NFKB1: variants seen among roughly 807,000 people sequenced by gnomAD.
The protein encoded by NFKB1 is nuclear factor NF-kappa-B p105 subunit.
In NFKB1, 9 loss-of-function variants were observed where a neutral mutation model predicts 105.1. The ratio of observed to expected loss-of-function variants is 0.09; its 90% CI spans 0.05 to 0.15. The LOEUF is 0.15. NFKB1 is among the 10% of genes least tolerant of loss of function. The pLI is 1.00. For synonymous variants in NFKB1, 440 were observed against 442.2 expected, an observed-to-expected ratio of 1.00 and a Z score of 0.06; for missense variants, 830 against 1,203.7, an observed-to-expected ratio of 0.69 and a Z score of 4.59.
chr4:102,518,523 G>A (rs1740352806), intron 1 of NFKB1, among the ~76,000 whole-genome samples: 1 of 151,660 alleles, frequency 6.6e-6, no homozygotes, highest in Non-Finnish European at 1.5e-5. Context: ...ATATTATATT[G>A]CATTGTTTTT....
rs532825491 is a variant in NFKB1, at chr4:102,588,454, T to A, written c.1066+3634T>A. ...ACTGCTGTACAAAAGCAAAAAAAAA[T>A]AAAAAAAAAATAAAAGAGACCATAA... On this transcript the variant is annotated intron_variant, in intron 11 of 23. Coordinates refer to ENST00000226574, the MANE Select transcript of NFKB1 (RefSeq NM_003998.4). 2.8e-3 allele frequency among the ~76,000 whole-genome samples: 404 copies of A among 143,512 alleles called. 3 individuals are homozygous for A. The highest frequency in any genetic ancestry group is 4.4e-3 in the Non-Finnish European group (283 of 64,934). 94.1% of individuals were successfully genotyped at this position (143,512 alleles called of 152,430 possible). A position where few individuals can be genotyped will look rare whatever the true frequency, so the allele number is the denominator to read the frequency against.
At chr4:102,560,891 G>A (rs903725306) in intron 5 of NFKB1, among the ~76,000 whole-genome samples, 37 of 152,188 alleles carry the variant, frequency 2.4e-4, no homozygotes, top group Non-Finnish European at 3.7e-4. Flanking sequence ...CAGGGACTGC[G>A]TAGTCCCCAC....
intron 16 of NFKB1, among the ~76,000 whole-genome samples, chr4:102,602,545 A>G (rs907479823): frequency 9.9e-5 from 15 of 152,080 alleles, no homozygotes; most frequent in African/African-American, 3.6e-4. Flanking sequence ...TCTCAAAAAA[A>G]AAAAAAAAAG....
chr4:102,504,578 G>T (rs1416102397), intron 1 of NFKB1, among the ~76,000 whole-genome samples: 2 of 152,146 alleles, frequency 1.3e-5, no homozygotes, highest in Non-Finnish European at 2.9e-5. Flanking sequence ...CTACATTTGT[G>T]TCTAATCAGC....
intron 11 of NFKB1, among the ~76,000 whole-genome samples, chr4:102,593,003 C>A (rs1267761466): frequency 2.0e-5 from 3 of 151,906 alleles, no homozygotes; most frequent in Non-Finnish European, 4.4e-5. Flanking sequence ...TTATGTCATG[C>A]TTTTTTTTAT....
chr4:102,552,773 G>T (rs967684727), intron 5 of NFKB1, among the ~76,000 whole-genome samples: 1 of 151,672 alleles, frequency 6.6e-6, no homozygotes, highest in Non-Finnish European at 1.5e-5. Context: ...ACATAAAAGG[G>T]TTTTTTTTGC....
intron 5 of NFKB1, among the ~76,000 whole-genome samples, chr4:102,553,213 GTC>G (rs1337375290): frequency 1.3e-5 from 2 of 152,120 alleles, no homozygotes; most frequent in Non-Finnish European, 1.5e-5. Flanking sequence ...ACCGAATGAT[GTC>G]TCTAAGTATT....
chr4:102,572,466 TA>T (rs1458882165), intron 6 of NFKB1, among the ~76,000 whole-genome samples: 1 of 152,064 alleles, frequency 6.6e-6, no homozygotes, highest in African/African-American at 2.4e-5. Context: ...CCCTAGAACT[TA>T]AAGTATAATA....
chr4:102,585,048 AT>A (rs78130855), intron 11 of NFKB1, among the ~76,000 whole-genome samples: 828 of 143,128 alleles, frequency 5.8e-3, no homozygotes, highest in Middle Eastern at 0.015. Flanking sequence ...TGCCGGGCTA[AT>A]TTTTTTTTTT....
At chr4:102,504,541 A>C (rs1739304203) in intron 1 of NFKB1, among the ~76,000 whole-genome samples, 1 of 152,204 alleles carries the variant, frequency 6.6e-6, no homozygotes, top group South Asian at 2.1e-4. Context: ...GTGCTAGAGG[A>C]TATGTTAAGA....
intron 1 of NFKB1, among the ~76,000 whole-genome samples, chr4:102,514,009 T>C (rs1450795126): frequency 6.6e-6 from 1 of 151,334 alleles, no homozygotes; most frequent in East Asian, 2.0e-4. Flanking sequence ...CCATCTCTAC[T>C]AAAAAAATAC....
At chr4:102,561,059 G>A (rs1159905410) in intron 5 of NFKB1, among the ~76,000 whole-genome samples, 5 of 152,192 alleles carry the variant, frequency 3.3e-5, no homozygotes, top group Non-Finnish European at 1.5e-5. Context: ...GCCTGACAGA[G>A]AAAGAAGAGA....
At chr4:102,602,444 G>GC (rs1477488225) in intron 16 of NFKB1, among the ~76,000 whole-genome samples, 3 of 151,776 alleles carry the variant, frequency 2.0e-5, no homozygotes, top group African/African-American at 4.8e-5. Flanking sequence ...GGAGGCTGAG[G>GC]CAGGAGAATG....
At chr4:102,502,390 G>GCGCACA (rs1311577382) in intron 1 of NFKB1, among the ~76,000 whole-genome samples, 1,871 of 105,368 alleles carry the variant, frequency 0.018, 46 homozygotes, top group Non-Finnish European at 0.022. Flanking sequence ...GCGCGCGCGC[G>GCGCACA]CACACACACA....
chr4:102,597,444 G>A lies in NFKB1; in HGVS notation c.1496-76G>A, dbSNP rs1238556540. 4 of 1,439,226 alleles carry A rather than the reference G, an allele frequency of 2.8e-6. No individual in the cohort carries two copies. In the African/African-American group the frequency reaches 5.7e-5, roughly 20 times the overall value. 89.2% of individuals were successfully genotyped at this position (1,439,226 alleles called of 1,614,324 possible). A position where few individuals can be genotyped will look rare whatever the true frequency, so the allele number is the denominator to read the frequency against. ...GGTGTCAGAACACTGATGCTGGTCA[G>A]TTTGTCCTTAAGCATGCCATACCCA... On this transcript the variant is annotated intron_variant, in intron 14 of 23. Coordinates refer to ENST00000226574, the MANE Select transcript of NFKB1 (RefSeq NM_003998.4).
At chr4:102,598,957 T>C (rs1015002751) in intron 15 of NFKB1, among the ~76,000 whole-genome samples, 15 of 152,172 alleles carry the variant, frequency 9.9e-5, no homozygotes, top group African/African-American at 3.6e-4. Flanking sequence ...CATAAGAGCA[T>C]AGGTATAGGG....
chr4:102,524,515 T>A (rs1462303422), intron 1 of NFKB1, among the ~76,000 whole-genome samples: 1 of 152,198 alleles, frequency 6.6e-6, no homozygotes. Context: ...AGACAGCGTT[T>A]CCACAGACTG....
chr4:102,523,406 C>T (rs1740694368), intron 1 of NFKB1, among the ~76,000 whole-genome samples: 1 of 152,156 alleles, frequency 6.6e-6, no homozygotes, highest in Non-Finnish European at 1.5e-5. Flanking sequence ...TGCTCTGCAT[C>T]CCCCTAGAAT....
chr4:102,598,923 G>T (rs1726884985), intron 15 of NFKB1, among the ~76,000 whole-genome samples: 1 of 152,190 alleles, frequency 6.6e-6, no homozygotes, highest in African/African-American at 2.4e-5. Context: ...ACAGATTTGG[G>T]ACTTGGAGAG....
Sources: allele counts gnomAD v4.1 joint callset (sites outside exome capture counted in the v4.1 genomes callset), GRCh38; gene constraint gnomAD v4.1.1; transcripts MANE v1.5; gene names NCBI Gene and HGNC (gene_info 2026-07-23, HGNC 2026-07-21).